SLC5A11: variants seen among roughly 807,000 people sequenced by gnomAD.
SLC5A11 encodes the protein sodium/myo-inositol cotransporter 2.
SLC5A11 carries 48 observed loss-of-function variants against 69.8 expected under a neutral mutation model. The ratio of observed to expected loss-of-function variants is 0.69; its 90% confidence interval spans 0.55 to 0.87. The LOEUF (loss-of-function observed/expected upper bound fraction) is 0.87. SLC5A11 is among the 40% of genes least tolerant of loss of function. SLC5A11 has a pLI of 0.00. For missense variants in SLC5A11, 784 were observed against 866.1 expected, an observed-to-expected ratio of 0.91 and a Z score of 1.19; for synonymous variants, 319 against 342.4, an observed-to-expected ratio of 0.93 and a Z score of 0.75.
intron 1 of SLC5A11, among the ~76,000 whole-genome samples, chr16:24,850,542 G>C (rs2059256653): frequency 6.6e-6 from 1 of 152,160 alleles, no homozygotes; most frequent in South Asian, 2.1e-4. Context: ...TTCCAGCCTG[G>C]GTGATGAGAC....
At position 24,909,111 on chromosome 16, in the gene SLC5A11, A is replaced by G. The variant is rs1567708454; in HGVS notation, c.1650+15A>G. 6.2e-7 allele frequency: 1 copy of G among 1,612,708 alleles called. No individual in the cohort carries two copies. ...CCAAGGAGATGGTACATTTGGGCTGATGGCTAGATCCGTTGAGACTTTTTG... is the reference window on the plus strand; with the variant it reads ...CCAAGGAGATGGTACATTTGGGCTGGTGGCTAGATCCGTTGAGACTTTTTG... On this transcript the variant is annotated intron_variant, in intron 14 of 15. Coordinates refer to ENST00000347898, the Ensembl canonical transcript of SLC5A11.
chr16:24,908,055 C>T (rs558297368), exon 13 of SLC5A11: 6 of 1,612,750 alleles, frequency 3.7e-6, no homozygotes, highest in South Asian at 1.1e-5. Context: ...TATATCCAGT[C>T]CATCAGCTCC....
chr16:24,883,089 G>C (rs2048151178), intron 7 of SLC5A11, among the ~76,000 whole-genome samples: 1 of 152,192 alleles, frequency 6.6e-6, no homozygotes, highest in African/African-American at 2.4e-5. Flanking sequence ...TGTTGGCTGG[G>C]TGTAGTTGCT....
chr16:24,891,202 T>A, intron 9 of SLC5A11, 128 bp downstream of exon 10: 1 of 813,676 alleles, frequency 1.2e-6, no homozygotes, highest in South Asian at 1.8e-5. Context: ...CTTGACTACT[T>A]CCTCCTTTCC....
chr16:24,886,151 C>T (rs1167857814), intron 8 of SLC5A11, among the ~76,000 whole-genome samples: 1 of 151,806 alleles, frequency 6.6e-6, no homozygotes, highest in Non-Finnish European at 1.5e-5. Context: ...TCTCCTGCCT[C>T]AGCCTCCCAA....
intron 10 of SLC5A11, among the ~76,000 whole-genome samples, chr16:24,900,508 G>C (rs966357807): frequency 6.6e-6 from 1 of 152,182 alleles, no homozygotes; most frequent in Non-Finnish European, 1.5e-5. Flanking sequence ...CTGCTTCCAG[G>C]AAAGGGCAAA....
chr16:24,902,895 A>G (rs545440363), intron 10 of SLC5A11, among the ~76,000 whole-genome samples: 3 of 152,244 alleles, frequency 2.0e-5, no homozygotes, highest in Non-Finnish European at 4.4e-5. Flanking sequence ...GGACTTTGTA[A>G]TGTAGCAGAT....
intron 1 of SLC5A11, among the ~76,000 whole-genome samples, chr16:24,853,885 A>G (rs1012153146): frequency 6.6e-6 from 1 of 152,216 alleles, no homozygotes; most frequent in Non-Finnish European, 1.5e-5. Context: ...GGTGGAGCGC[A>G]TGGAGGGTTC....
intron 1 of SLC5A11, among the ~76,000 whole-genome samples, chr16:24,854,807 C>T (rs909750309): frequency 1.3e-5 from 2 of 152,106 alleles, no homozygotes; most frequent in Non-Finnish European, 2.9e-5. Flanking sequence ...ACAAGGGTCC[C>T]CTCACCCCCT....
At chr16:24,892,792 A>AACC (rs2048900250) in intron 9 of SLC5A11, among the ~76,000 whole-genome samples, 1 of 152,136 alleles carries the variant, frequency 6.6e-6, no homozygotes, top group South Asian at 2.1e-4. Context: ...CAGAGAATGA[A>AACC]ACCCAGGTCT....
rs762081157 is a variant in SLC5A11 at position 24,891,094 on chromosome 16, G to A, written c.870+20G>A. Reference sequence around the variant, plus strand: ...GATCAGGTACAGGACAGTGGCCTGAGCAAGTTTTTCCTTCTCTTTGCTTCT... The same window carrying A: ...GATCAGGTACAGGACAGTGGCCTGAACAAGTTTTTCCTTCTCTTTGCTTCT... On this transcript the variant is annotated intron_variant, in intron 9 of 15. Coordinates refer to ENST00000347898, the Ensembl canonical transcript of SLC5A11. 3.7e-6 allele frequency: 6 copies of A among 1,603,748 alleles called. No homozygotes were observed. Among genetic ancestry groups the A allele is most frequent in the Middle Eastern group, 1.8e-4 (1 of 5,532 alleles).
intron 10 of SLC5A11, among the ~76,000 whole-genome samples, chr16:24,905,124 A>G (rs1288919372): frequency 2.0e-5 from 3 of 152,048 alleles, no homozygotes; most frequent in Non-Finnish European, 4.4e-5. Flanking sequence ...TTTTAAATAA[A>G]CTATATGGAA....
chr16:24,900,688 G>A (rs1017627381), intron 10 of SLC5A11, among the ~76,000 whole-genome samples: 1 of 152,050 alleles, frequency 6.6e-6, no homozygotes, highest in Non-Finnish European at 1.5e-5. Flanking sequence ...TGAGGCAGGA[G>A]GATCTCTTGA....
chr16:24,849,572 C>CAAAAAAAAA lies in SLC5A11; in HGVS notation c.-25+3148_-25+3156dup, dbSNP rs1182615959. On this transcript the variant is annotated intron_variant, in intron 1 of 15. Transcript: ENST00000347898. The stretch of plus-strand genomic sequence containing the variant: ...ACAGAGCGAGACTCTGCCTTGGGGG[C>CAAAAAAAAA]AAAAAAAAAAAAAAAAAAAAAATAT... 2.2e-3 allele frequency among the ~76,000 whole-genome samples: 86 copies of CAAAAAAAAA among 38,474 alleles called. 1 individual carries two copies. Among genetic ancestry groups the CAAAAAAAAA allele is most frequent in the Non-Finnish European group, 2.5e-3 (57 of 22,660 alleles). The allele number at this position is 38,474 out of a possible 152,430, so 25.2% of individuals were successfully genotyped here. A position where few individuals can be genotyped will look rare whatever the true frequency, so the allele number is the denominator to read the frequency against.
intron 1 of SLC5A11, among the ~76,000 whole-genome samples, chr16:24,857,089 G>T (rs2059568942): frequency 6.6e-6 from 1 of 152,192 alleles, no homozygotes; most frequent in Non-Finnish European, 1.5e-5. Context: ...CGAAGTGCTG[G>T]TATTATAGGC....
At chr16:24,862,475 T>G in intron 2 of SLC5A11, 126 bp from the exon 4 acceptor site, 1 of 586,160 alleles carries the variant, frequency 1.7e-6, no homozygotes, top group Non-Finnish European at 3.0e-6. Context: ...AGAAACAAAA[T>G]ATATTTGATA....
intron 1 of SLC5A11, among the ~76,000 whole-genome samples, chr16:24,854,363 C>G (rs2059437063): frequency 6.6e-6 from 1 of 152,182 alleles, no homozygotes; most frequent in East Asian, 1.9e-4. Context: ...AGCTTTGTCA[C>G]TTGTCAGCCA....
chr16:24,876,039 T>C (rs2047649932), intron 6 of SLC5A11, among the ~76,000 whole-genome samples: 2 of 151,008 alleles, frequency 1.3e-5, no homozygotes, highest in African/African-American at 4.9e-5. Context: ...TACCAGAAAA[T>C]ACGAAAATTA....
At chr16:24,888,240 T>C (rs1244845009) in intron 8 of SLC5A11, among the ~76,000 whole-genome samples, 1 of 152,078 alleles carries the variant, frequency 6.6e-6, no homozygotes, top group Non-Finnish European at 1.5e-5. Context: ...TTTTAAAAAA[T>C]CTAGTTACTT....
Sources: gnomAD v4.1 joint callset for allele counts (sites outside exome capture counted in the v4.1 genomes callset) on GRCh38, gnomAD v4.1.1 for gene constraint, MANE v1.5 for transcripts, NCBI Gene and HGNC (gene_info 2026-07-23, HGNC 2026-07-21) for gene names.